The following SYTL4 variants were observed in gnomAD, a reference collection of about 807,000 sequenced individuals.
SYTL4 encodes the protein synaptotagmin-like protein 4.
In SYTL4, 16 loss-of-function variants were observed where a neutral mutation model predicts 52.7. The ratio of observed to expected loss-of-function variants is 0.30; its 90% confidence interval spans 0.21 to 0.46. The LOEUF (loss-of-function observed/expected upper bound fraction) is 0.46. Among genes scored for constraint, SYTL4 ranks in the 20% least tolerant of loss-of-function variants. The probability of loss-of-function intolerance (pLI) is 1.00; values close to 1 mark genes in which losing one functional copy is unlikely to be tolerated. For missense variants in SYTL4, 423 were observed against 519.9 expected (o/e 0.81, Z 1.81); for synonymous variants, 160 against 186.6 (o/e 0.86, Z 1.16).
intron 2 of SYTL4, among the ~76,000 whole-genome samples, chrX:100,722,662 C>CTAAATAAATAAATAAA (rs57321237): frequency 9.1e-4 from 100 of 109,828 alleles, no homozygotes; most frequent in African/African-American, 3.3e-3. Context: ...CAAGTCCTTC[C>CTAAATAAATAAATAAA]TAAATAAATA....
At chrX:100,685,279 C>T (rs775165617) in intron 16 of SYTL4, 2 of 111,982 alleles carry the variant, frequency 1.8e-5, no homozygotes, top group Admixed American at 9.5e-5. Flanking sequence ...CCATGTAAAA[C>T]CATCCCACAT....
intron 2 of SYTL4, among the ~76,000 whole-genome samples, chrX:100,720,073 A>G (rs1490943315): frequency 8.9e-6 from 1 of 111,920 alleles, no homozygotes; most frequent in Non-Finnish European, 1.9e-5. Context: ...CATAGAAGTA[A>G]CTCTAAAATA....
chrX:100,676,774 C>T (rs747834664), intron 19 of SYTL4, among the ~76,000 whole-genome samples: 27 of 111,757 alleles, frequency 2.4e-4, no homozygotes, highest in African/African-American at 2.9e-4. Context: ...TGTGAGCCAC[C>T]GTGCCCGGCC....
Position 100,701,960 on chromosome X carries a change from T to C in SYTL4, c.78A>G (p.Glu26=). ...DLILSVLQRD[E]EVRKADEKRI... is the part of the protein sequence containing the mutation. ...TTTTCTCATCTGCTTTCCGGACCTC[T>C]TCATCTCGCTGTAGAACACTGAGAA... The change falls in exon 5 of 20, where the codon GAA becomes GAG. Residue 26 remains glutamate (E), a synonymous_variant. Coordinates refer to ENST00000372989, the MANE Select transcript of SYTL4 (RefSeq NM_001370165.1). 8.3e-7 allele frequency: 1 copy of C among 1,210,456 alleles called. No homozygotes were observed.
chrX:100,698,305 G>A (rs183738884), intron 8 of SYTL4, among the ~76,000 whole-genome samples: 1,423 of 110,607 alleles, frequency 0.013, 10 homozygotes, highest in Middle Eastern at 0.023. Context: ...GGGTTTCACC[G>A]TGTTAGCCAG....
intron 16 of SYTL4, among the ~76,000 whole-genome samples, chrX:100,684,444 A>G (rs1178777390): frequency 9.0e-6 from 1 of 111,686 alleles, no homozygotes; most frequent in East Asian, 2.8e-4. Context: ...AAGAATTCAA[A>G]CAACTTAAAG....
intron 13 of SYTL4, 43 bp from the exon 14 acceptor site, chrX:100,687,288 C>A: frequency 8.9e-7 from 1 of 1,126,447 alleles, no homozygotes; most frequent in Middle Eastern, 2.4e-4. Flanking sequence ...AGGCACACTC[C>A]CCCGCCCGCA....
chrX:100,723,754 G>GC (rs950487829), intron 2 of SYTL4, among the ~76,000 whole-genome samples: 4 of 109,264 alleles, frequency 3.7e-5, no homozygotes, highest in African/African-American at 1.3e-4. Flanking sequence ...GAAGTGAGGA[G>GC]CCCCTCCGCC....
chrX:100,676,636 C>T, intron 19 of SYTL4, among the ~76,000 whole-genome samples: 1 of 111,297 alleles, frequency 9.0e-6, no homozygotes, highest in Admixed American at 9.5e-5. Flanking sequence ...AGGCCTGCGC[C>T]ACCACGCCCA....
At chrX:100,693,293 G>A (rs112550020) in intron 8 of SYTL4, among the ~76,000 whole-genome samples, 295 of 112,228 alleles carry the variant, frequency 2.6e-3, no homozygotes, top group African/African-American at 8.9e-3. Context: ...ATGTCTCCAC[G>A]TGGATGTCTC....
chrX:100,686,584 A>C (rs768459693), intron 15 of SYTL4, 95 bp downstream of exon 15: 2 of 598,730 alleles, frequency 3.3e-6, no homozygotes, highest in African/African-American at 4.5e-5. Flanking sequence ...TGGCCCACTG[A>C]AGCCCGTGTC....
At chrX:100,702,787 G>C (rs2083882497) in intron 4 of SYTL4, among the ~76,000 whole-genome samples, 1 of 112,240 alleles carries the variant, frequency 8.9e-6, no homozygotes, top group African/African-American at 3.2e-5. Flanking sequence ...TCACAGAGTA[G>C]CAGGGGAGAC....
At chrX:100,706,374 C>A (rs771274637) in intron 2 of SYTL4, among the ~76,000 whole-genome samples, 7 of 112,319 alleles carry the variant, frequency 6.2e-5, no homozygotes, top group Admixed American at 3.8e-4. Flanking sequence ...TATCAGCTCC[C>A]TGCCTCCTCT....
At chrX:100,724,036 C>T (rs1380368828) in intron 2 of SYTL4, among the ~76,000 whole-genome samples, 761 of 97,011 alleles carry the variant, frequency 7.8e-3, no homozygotes, top group African/African-American at 0.03. Context: ...GCCCCCCGCC[C>T]AGCCAGCCGC....
intron 16 of SYTL4, chrX:100,684,693 TC>T (rs2147696681): frequency 8.3e-5 from 1 of 12,106 alleles, no homozygotes; most frequent in African/African-American, 9.1e-5. Context: ...TTTCTTTCTT[TC>T]TTTTTTTTTT....
chrX:100,688,158 G>T (rs1193091147), intron 13 of SYTL4, 193 bp downstream of exon 13: 2 of 377,347 alleles, frequency 5.3e-6, no homozygotes, highest in East Asian at 4.2e-5. Flanking sequence ...TCCAGGTGGG[G>T]GCTCAGGAAG....
chrX:100,681,398 C>T, intron 16 of SYTL4, 63 bp from the exon 17 acceptor site: 1 of 936,396 alleles, frequency 1.1e-6, no homozygotes. Context: ...GGACTTCTCT[C>T]TGAAAAAAAT....
At chrX:100,692,508 C>T (rs2083617818) in intron 8 of SYTL4, among the ~76,000 whole-genome samples, 2 of 111,590 alleles carry the variant, frequency 1.8e-5, no homozygotes. Flanking sequence ...AGACAGTATT[C>T]AGGTGACCAG....
intron 2 of SYTL4, among the ~76,000 whole-genome samples, chrX:100,728,754 G>C (rs772400661): frequency 9.0e-6 from 1 of 111,611 alleles, no homozygotes; most frequent in Non-Finnish European, 1.9e-5. Flanking sequence ...AAAAAATAGA[G>C]AGGCCAGGAG....
Sources: allele counts gnomAD v4.1 joint callset (sites outside exome capture counted in the v4.1 genomes callset), GRCh38; gene constraint gnomAD v4.1.1; transcripts MANE v1.5; gene names NCBI Gene and HGNC (gene_info 2026-07-23, HGNC 2026-07-21).